The following MUC6 variants were observed in gnomAD, a reference collection of about 807,000 sequenced individuals.
MUC6 encodes the protein mucin-6.
Under a neutral mutation model 201.5 loss-of-function variants are expected in MUC6, and 188 were observed. The observed-to-expected ratio is 0.93, with a 90% CI of 0.83 to 1.05. The LOEUF is 1.05. Among genes scored for constraint, MUC6 ranks in the 50% least tolerant of loss-of-function variants. MUC6 has a pLI of 0.00. For missense variants in MUC6, 2,706 were observed against 3,256.9 expected (o/e 0.83, Z 4.12); for synonymous variants, 1,228 against 1,389.4 (o/e 0.88, Z 2.58).
chr11:1,031,849 G>GT lies in MUC6; in HGVS notation c.319dup (p.Thr107AsnfsTer51). ...GACTGAGATGATGGCTTCGCTCACA[G>GT]TGACGACGGAGGCCCCCAGCTCCAC... On this transcript the variant is annotated frameshift_variant, in exon 3 of 33. Transcript: ENST00000421673. LOFTEE classifies it high-confidence loss of function. The GT allele has an allele frequency of 6.2e-7, 1 of 1,612,106 alleles. No homozygotes were observed. Among genetic ancestry groups the GT allele is most frequent in the Non-Finnish European group, 8.5e-7 (1 of 1,179,664 alleles).
chr11:1,030,160 C>G (rs1857066340), intron 8 of MUC6, 53 bp downstream of exon 8: 4 of 1,510,444 alleles, frequency 2.6e-6, no homozygotes, highest in Non-Finnish European at 3.6e-6. Flanking sequence ...CCCCTTGTCT[C>G]TGGGTTCTCT....
In MUC6 at chr11:1,026,157, G is replaced by C. The variant is rs537188260; in HGVS notation, c.2547-16C>G. 9 of 1,585,026 alleles carry C rather than the reference G, an allele frequency of 5.7e-6. No homozygotes were observed. In the African/African-American group the frequency reaches 9.4e-5, roughly 17 times the overall value. ...TGAGCAGGAGCTGTGGAGACAGCAG[G>C]TGTGGGTGGTGGGCCTGCGGCCCTC... On this transcript the variant is annotated splice_polypyrimidine_tract_variant and intron_variant, in intron 20 of 32. Coordinates refer to ENST00000421673, the MANE Select transcript of MUC6 (RefSeq NM_005961.3).
At position 1,024,875 on chromosome 11, in the gene MUC6, T is replaced by C. The variant is rs749851546; in HGVS notation, c.3194A>G (p.Asn1065Ser). Residue 1065 changes from asparagine (N) to serine (S), a missense_variant, in exon 24 of 33, where the codon AAC becomes AGC. Physicochemically the swap from Asn to Ser is conservative, Grantham distance 46. Coordinates refer to ENST00000421673, the MANE Select transcript of MUC6 (RefSeq NM_005961.3). Reference protein sequence around the residue: ...SWAERKCSVINSQTFATCHSK... With the variant: ...SWAERKCSVISSQTFATCHSK... ...GTGGCAGGTGGCAAAGGTCTGGCTG[T>C]TGATGACGCTGCACTTGCGCTCGGC... 1 of 1,612,272 alleles carries C rather than the reference T, an allele frequency of 6.2e-7. No homozygotes were observed. Among genetic ancestry groups the C allele is most frequent in the Non-Finnish European group, 8.5e-7 (1 of 1,179,568 alleles).
intron 2 of MUC6, among the ~76,000 whole-genome samples, chr11:1,032,274 A>C (rs1020481911): frequency 6.6e-6 from 1 of 152,022 alleles, no homozygotes; most frequent in Non-Finnish European, 1.5e-5. Context: ...GTGTGGGTAC[A>C]CGTATGTGTG....
chr11:1,029,485 C>T lies in MUC6; in HGVS notation c.1136+10G>A. ...CGGCCGGCCAGAGCCCCCTCCGGCG[C>T]CTCACTCACCAGGTTTGGCAGGCAG... On this transcript the variant is annotated intron_variant, in intron 9 of 32. Transcript: ENST00000421673. 6.2e-7 allele frequency: 1 copy of T among 1,611,644 alleles called. No individual in the cohort carries two copies. The highest frequency in any genetic ancestry group is 8.5e-7 in the Non-Finnish European group (1 of 1,179,594).
At chr11:1,014,773 GC>G (rs1352724018) in intron 31 of MUC6, among the ~76,000 whole-genome samples, 1 of 152,190 alleles carries the variant, frequency 6.6e-6, no homozygotes. Flanking sequence ...GAGCCTACCT[GC>G]CCGCTGCAGA....
In MUC6 at chr11:1,023,670, G is replaced by A; in HGVS notation, c.3383-18C>T. ...GTAGATGGCTGGGAGGAAGGGAGCT[G>A]TCAGCTGGTGGGGTTCCTGGCCCTG... is the stretch of plus-strand genomic sequence containing the variant. On this transcript the variant is annotated intron_variant, in intron 25 of 32. Coordinates refer to ENST00000421673, the MANE Select transcript of MUC6 (RefSeq NM_005961.3). The A allele has an allele frequency of 1.9e-6, 3 of 1,610,924 alleles. No homozygotes were observed. Among genetic ancestry groups the A allele is most frequent in the Non-Finnish European group, 2.5e-6 (3 of 1,179,006 alleles).
chr11:1,015,877 A>G lies in MUC6; in HGVS notation c.6924T>C (p.Pro2308=). Residue 2308 remains proline, a synonymous_variant, in exon 31 of 33, where the codon CCT becomes CCC. Transcript: ENST00000421673. ...SPVTNLTTRH[P]GPTLSPTTRF... ...GTGTGGTAGGCGACAAGGTGGGACCAGGGTGCCTGGTGGTAAGGTTGGTGA... is the reference window on the plus strand; with the variant it reads ...GTGTGGTAGGCGACAAGGTGGGACCGGGGTGCCTGGTGGTAAGGTTGGTGA... 6.2e-7 allele frequency: 1 copy of G among 1,608,590 alleles called. No individual in the cohort carries two copies. The highest frequency in any genetic ancestry group is 8.5e-7 in the Non-Finnish European group (1 of 1,176,792).
At chr11:1,031,105 C>CA in intron 5 of MUC6, 49 bp from the exon 6 acceptor site, 1 of 878,906 alleles carries the variant, frequency 1.1e-6, no homozygotes, top group Non-Finnish European at 1.6e-6. Flanking sequence ...GCCTCAGAGG[C>CA]CCCCCTGCCC....
At position 1,018,566 on chromosome 11, in the gene MUC6, G is replaced by A. The variant is rs771673875; in HGVS notation, c.4235C>T (p.Ala1412Val). ...ACCTGTGGAAGGGACGGGACTCCCCGCCGTAGGCGGGGAGTGTGTGGTGTG... is the reference window on the plus strand; with the variant it reads ...ACCTGTGGAAGGGACGGGACTCCCCACCGTAGGCGGGGAGTGTGTGGTGTG... Reference protein sequence around the residue: ...TPHTTHSPPTAGSPVPSTGPV... With the variant: ...TPHTTHSPPTVGSPVPSTGPV... The change falls in exon 31 of 33, where the codon GCG becomes GTG. Residue 1412 changes from alanine (A) to valine (V), a missense_variant. Around this residue, in one of 10 missense-constraint regions of MUC6, gnomAD observed 1,850 missense variants for 1,958.3 expected, o/e 0.94. Coordinates refer to ENST00000421673, the MANE Select transcript of MUC6 (RefSeq NM_005961.3). 12 of 1,597,756 alleles carry A rather than the reference G, an allele frequency of 7.5e-6. No homozygotes were observed. In the South Asian group the frequency reaches 7.9e-5, roughly 10 times the overall value.
chr11:1,018,923 A>T (rs1302291289), intron 30 of MUC6, among the ~76,000 whole-genome samples, 153 bp from the exon 31 acceptor site: 1 of 151,680 alleles, frequency 6.6e-6, no homozygotes, highest in Non-Finnish European at 1.5e-5. Context: ...AGCCTGCCCC[A>T]TTGTCTCCAT....
chr11:1,021,484 C>T (rs1856806921), intron 26 of MUC6, among the ~76,000 whole-genome samples: 1 of 151,892 alleles, frequency 6.6e-6, no homozygotes. Flanking sequence ...GATTCTCCTG[C>T]CCCAGCCTCC....
chr11:1,032,505 G>T (rs1447087967), intron 2 of MUC6, among the ~76,000 whole-genome samples: 1 of 151,450 alleles, frequency 6.6e-6, no homozygotes, highest in African/African-American at 2.4e-5. Flanking sequence ...TGTGCATTCG[G>T]GGTGTGTATG....
At position 1,019,771 on chromosome 11, in the gene MUC6, A is replaced by C; in HGVS notation, c.3809-275T>G. The C allele has an allele frequency of 4.9e-6, 3 of 616,616 alleles. No homozygotes were observed. The East Asian group carries it at 8.2e-5, about 17-fold the overall frequency. The allele number at this position is 616,616 out of a possible 1,614,324, so 38.2% of individuals were successfully genotyped here. A position where few individuals can be genotyped will look rare whatever the true frequency, so the allele number is the denominator to read the frequency against. On this transcript the variant is annotated intron_variant, in intron 29 of 32. Transcript: ENST00000421673. ...AACGGACTGTCGTCCTGTCCCCTCC[A>C]GGGTCCCTGGGCAGCAGATGGGGCC...
chr11:1,028,185 G>C, intron 14 of MUC6, 41 bp downstream of exon 14: 1 of 1,542,680 alleles, frequency 6.5e-7, no homozygotes, highest in Non-Finnish European at 8.8e-7. Context: ...AACTGTGGGC[G>C]CTGGGGGGGC....
chr11:1,020,272 A>C lies in MUC6; in HGVS notation c.3641-15T>G, dbSNP rs771670022. ...GGGCCGTGAGCCTGGGTGGGCGGAC[A>C]TGCCATCAGGGCTGCAGGGTACCGG... On this transcript the variant is annotated splice_polypyrimidine_tract_variant and intron_variant, in intron 28 of 32. Transcript: ENST00000421673. 6.3e-7 allele frequency: 1 copy of C among 1,595,836 alleles called. No individual in the cohort carries two copies. The highest frequency in any genetic ancestry group is 2.2e-5 in the East Asian group (1 of 44,660).
chr11:1,015,485 A>G (rs1048503203), intron 31 of MUC6, among the ~76,000 whole-genome samples: 1 of 151,968 alleles, frequency 6.6e-6, no homozygotes, highest in Admixed American at 6.6e-5. Flanking sequence ...TGCAGCAGTG[A>G]CCGGGCATGA....
intron 22 of MUC6, 36 bp downstream of exon 22, chr11:1,025,769 C>G (rs757178134): frequency 7.0e-6 from 11 of 1,567,590 alleles, no homozygotes; most frequent in Non-Finnish European, 9.6e-6. Flanking sequence ...CCCCTACCGC[C>G]CGTCCTGCCC....
chr11:1,020,763 G>C lies in MUC6; in HGVS notation c.3590-29C>G, dbSNP rs763696560. 1.9e-6 allele frequency: 3 copies of C among 1,610,008 alleles called. No homozygotes were observed. In the Admixed American group the frequency reaches 5.0e-5, roughly 27 times the overall value. On this transcript the variant is annotated intron_variant, in intron 27 of 32. Transcript: ENST00000421673. ...CAAGAAGATGGGGTCAGCTCCCTGTGGTTCTCTAAGCCTCCCCACCCCGTG... is the reference window on the plus strand; with the variant it reads ...CAAGAAGATGGGGTCAGCTCCCTGTCGTTCTCTAAGCCTCCCCACCCCGTG...
Sources: allele counts gnomAD v4.1 joint callset (sites outside exome capture counted in the v4.1 genomes callset), GRCh38; gene constraint gnomAD v4.1.1; regional missense constraint gnomAD v4.1.1; transcripts MANE v1.5; gene names NCBI Gene and HGNC (gene_info 2026-07-23, HGNC 2026-07-21).